The following FBXL7 variants were observed in gnomAD, a reference collection of about 807,000 sequenced individuals.
FBXL7 encodes F-box and leucine rich repeat protein 7, also known as F-box/LRR-repeat protein 7.
A neutral mutation model predicts 38.3 loss-of-function variants in FBXL7; 12 were observed. The ratio of observed to expected loss-of-function variants is 0.31; its 90% CI spans 0.20 to 0.51. The LOEUF (loss-of-function observed/expected upper bound fraction) is 0.51. Ranked by LOEUF, FBXL7 falls within the 20% of genes least tolerant of loss-of-function variation. The pLI, the probability that FBXL7 is intolerant of heterozygous loss-of-function variation, is 0.98. For synonymous variants in FBXL7, 297 were observed against 300.9 expected (o/e 0.99, Z 0.13); for missense variants, 567 against 676.4 (o/e 0.84, Z 1.79).
At chr5:15,770,678 A>T (rs1353393589) in intron 2 of FBXL7, among the ~76,000 whole-genome samples, 1 of 152,214 alleles carries the variant, frequency 6.6e-6, no homozygotes, top group Non-Finnish European at 1.5e-5. Context: ...AGAATTTTAC[A>T]TGAACCATTT....
chr5:15,786,175 C>T (rs1036980181), intron 2 of FBXL7, among the ~76,000 whole-genome samples: 2 of 152,114 alleles, frequency 1.3e-5, no homozygotes, highest in Admixed American at 6.5e-5. Flanking sequence ...GCGTTTCTAC[C>T]GGTGGGTGAA....
At chr5:15,895,778 G>GGACT (rs773690605) in intron 2 of FBXL7, among the ~76,000 whole-genome samples, 5 of 150,888 alleles carry the variant, frequency 3.3e-5, no homozygotes, top group South Asian at 2.1e-4. Flanking sequence ...CTAGTAGCTG[G>GGACT]GACTACAGGT....
intron 1 of FBXL7, among the ~76,000 whole-genome samples, chr5:15,502,128 A>G (rs548461970): frequency 3.0e-4 from 46 of 152,246 alleles, no homozygotes; most frequent in African/African-American, 1.1e-3. Context: ...CTTTCAGGAT[A>G]TAATTGTAGC....
At chr5:15,636,614 C>G (rs752728489) in intron 2 of FBXL7, among the ~76,000 whole-genome samples, 1 of 151,330 alleles carries the variant, frequency 6.6e-6, no homozygotes, top group Non-Finnish European at 1.5e-5. Flanking sequence ...TACTGTGAGC[C>G]TGTTCTTTTA....
Position 15,930,407 on chromosome 5 carries a change from G to T in FBXL7, c.739+1906G>T, listed in dbSNP as rs952677318. On this transcript the variant is annotated intron_variant, in intron 3 of 3. Transcript: ENST00000504595. ...ATTTTCTTTTCTTAGATTAGAAAAT[G>T]ATTCATTTTTGGAATCCCTATCTTT... Among the ~76,000 whole-genome samples, 4 of 152,134 alleles carry T rather than the reference G, an allele frequency of 2.6e-5. No homozygotes were observed. In the East Asian group the frequency reaches 7.7e-4, roughly 29 times the overall value.
intron 2 of FBXL7, among the ~76,000 whole-genome samples, chr5:15,759,236 C>T (rs944674438): frequency 6.6e-6 from 1 of 152,062 alleles, no homozygotes; most frequent in African/African-American, 2.4e-5. Context: ...CTATCAATGG[C>T]AAGCCACATT....
chr5:15,576,990 C>T (rs184611821), intron 1 of FBXL7, among the ~76,000 whole-genome samples: 21 of 152,168 alleles, frequency 1.4e-4, no homozygotes, highest in African/African-American at 4.1e-4. Context: ...AAAGTAAAAG[C>T]TGAGTTGAAT....
intron 1 of FBXL7, among the ~76,000 whole-genome samples, chr5:15,517,841 C>A (rs1736985044): frequency 6.6e-6 from 1 of 152,166 alleles, no homozygotes; most frequent in African/African-American, 2.4e-5. Context: ...AAATTGACAT[C>A]TCAGCTTCAT....
rs77955786 is a variant in FBXL7, at chr5:15,595,702, C to T, written c.38-20281C>T. On this transcript the variant is annotated intron_variant, in intron 1 of 3. Transcript: ENST00000504595. ...AACACTGAGGCAGAGAGTTAAGCAT[C>T]TTTCCAAAGTCAAGCAAATGAATAG... 6.4e-3 allele frequency among the ~76,000 whole-genome samples: 967 copies of T among 152,222 alleles called. 10 individuals are homozygous for T. Among genetic ancestry groups the T allele is most frequent in the African/African-American group, 0.022 (906 of 41,526 alleles).
At chr5:15,622,640 C>A (rs191424758) in intron 2 of FBXL7, among the ~76,000 whole-genome samples, 302 of 152,240 alleles carry the variant, frequency 2.0e-3, no homozygotes, top group African/African-American at 6.9e-3. Flanking sequence ...GCTGCATAGT[C>A]TTCCATGGCC....
At chr5:15,866,626 CG>C (rs1357364713) in intron 2 of FBXL7, among the ~76,000 whole-genome samples, 6 of 151,904 alleles carry the variant, frequency 3.9e-5, no homozygotes, top group Non-Finnish European at 7.4e-5. Context: ...GGTGGTTTGC[CG>C]CACCTATTGA....
intron 2 of FBXL7, among the ~76,000 whole-genome samples, chr5:15,636,512 G>A (rs557696364): frequency 9.2e-5 from 14 of 152,148 alleles, no homozygotes; most frequent in Non-Finnish European, 1.6e-4. Context: ...TGAATTAACA[G>A]TGCAGGGCCT....
chr5:15,636,680 CTT>C lies in FBXL7; in HGVS notation c.127+20622_127+20623del, dbSNP rs35974559. Among the ~76,000 whole-genome samples, 322 of 134,090 alleles carry C rather than the reference CTT, an allele frequency of 2.4e-3. 1 individual carries two copies. The highest frequency in any genetic ancestry group is 4.4e-3 in the African/African-American group (160 of 36,530). 88.0% of individuals were successfully genotyped at this position (134,090 alleles called of 152,430 possible). Reference sequence around the variant, plus strand: ...CTATCATTTGTAGAAGGGCTAAAACCTTTTTTTTTTTTTTTGCATATGTGGTC... The same window carrying C: ...CTATCATTTGTAGAAGGGCTAAAACCTTTTTTTTTTTTTGCATATGTGGTC... On this transcript the variant is annotated intron_variant, in intron 2 of 3. Transcript: ENST00000504595.
At chr5:15,751,841 A>G (rs1736163172) in intron 2 of FBXL7, among the ~76,000 whole-genome samples, 1 of 152,188 alleles carries the variant, frequency 6.6e-6, no homozygotes, top group Non-Finnish European at 1.5e-5. Flanking sequence ...TTCTCAGACT[A>G]GTATTAAACT....
At chr5:15,903,156 G>A (rs1741272393) in intron 2 of FBXL7, among the ~76,000 whole-genome samples, 1 of 152,202 alleles carries the variant, frequency 6.6e-6, no homozygotes, top group Non-Finnish European at 1.5e-5. Context: ...AACATTTCAG[G>A]AGCAATCGAG....
chr5:15,741,552 T>C (rs1013864735), intron 2 of FBXL7, among the ~76,000 whole-genome samples: 1 of 152,218 alleles, frequency 6.6e-6, no homozygotes, highest in Admixed American at 6.5e-5. Flanking sequence ...TCTTCCTTGC[T>C]TATTGTTTTT....
intron 1 of FBXL7, among the ~76,000 whole-genome samples, chr5:15,582,535 G>A (rs1739175407): frequency 6.6e-6 from 1 of 152,180 alleles, no homozygotes; most frequent in African/African-American, 2.4e-5. Flanking sequence ...ACATTGCCAT[G>A]CCAATGAGAG....
intron 1 of FBXL7, among the ~76,000 whole-genome samples, chr5:15,581,309 A>G (rs891402234): frequency 2.0e-5 from 3 of 152,110 alleles, no homozygotes; most frequent in African/African-American, 4.8e-5. Flanking sequence ...TTGAAAATGC[A>G]TGAAAGACTA....
At chr5:15,757,620 G>T (rs1028651631) in intron 2 of FBXL7, among the ~76,000 whole-genome samples, 1 of 152,008 alleles carries the variant, frequency 6.6e-6, no homozygotes, top group Non-Finnish European at 1.5e-5. Flanking sequence ...AAGAATCTCA[G>T]ATTTTCTCTG....
Sources: gnomAD v4.1 joint callset for allele counts (sites outside exome capture counted in the v4.1 genomes callset) on GRCh38, gnomAD v4.1.1 for gene constraint, MANE v1.5 for transcripts, NCBI Gene and HGNC (gene_info 2026-07-23, HGNC 2026-07-21) for gene names.